CSF2RA: variants seen among roughly 807,000 people sequenced by gnomAD.
CSF2RA encodes colony stimulating factor 2 receptor subunit alpha.
A neutral mutation model predicts 51.6 loss-of-function variants in CSF2RA; 42 were observed. The observed-to-expected ratio is 0.81, with a 90% CI of 0.64 to 1.05. The LOEUF is 1.05. Ranked by LOEUF, CSF2RA falls within the 50% of genes least tolerant of loss-of-function variation. CSF2RA has a pLI of 0.00. For synonymous variants in CSF2RA, 222 were observed against 193.0 expected, an observed-to-expected ratio of 1.15 and a Z score of -1.24; for missense variants, 530 against 501.1, an observed-to-expected ratio of 1.06 and a Z score of -0.55.
the CSF2RA span, among the ~76,000 whole-genome samples, chrX:1,316,268 A>AGATAGAT: frequency 4.5e-5 from 3 of 66,892 alleles, no homozygotes; most frequent in Admixed American, 1.5e-4. Flanking sequence ...GATGATAGAT[A>AGATAGAT]GATAGATAGA....
chrX:1,299,293 C>T (rs1427423851), intron 9 of CSF2RA, among the ~76,000 whole-genome samples: 5 of 152,142 alleles, frequency 3.3e-5, no homozygotes, highest in African/African-American at 4.8e-5. Context: ...TACCAAGTCT[C>T]GCGGCCACTC....
chrX:1,305,308 AC>A (rs1225066736), intron 11 of CSF2RA, 137 bp from the exon 12 acceptor site: 7 of 985,204 alleles, frequency 7.1e-6, no homozygotes, highest in Non-Finnish European at 9.6e-6. Flanking sequence ...GATTTTCGTC[AC>A]TTGGTGATTC....
Position 1,288,887 on chromosome X carries a change from A to G in CSF2RA, c.472A>G (p.Lys158Glu). The stretch of plus-strand genomic sequence containing the variant: ...GTATTTTTTGTACATACGAAACTCA[A>G]AGTAAGTGTTCACCTCATGTGAAGA... ...VQYFLYIRNSKRRREIRCPYY... is the reference protein window; with the variant it reads ...VQYFLYIRNSERRREIRCPYY... Residue 158 changes from lysine to glutamate, a missense_variant and splice_region_variant, in exon 6 of 13, where the codon AAG becomes GAG. By Grantham distance (56) the Lys-to-Glu change is moderately conservative (BLOSUM62 1). Transcript: ENST00000381529. 1 of 1,588,868 alleles carries G rather than the reference A, an allele frequency of 6.3e-7. No individual in the cohort carries two copies. The highest frequency in any genetic ancestry group is 8.6e-7 in the Non-Finnish European group (1 of 1,165,924).
intron 11 of CSF2RA, among the ~76,000 whole-genome samples, chrX:1,304,646 T>G (rs1275431167): frequency 1.6e-5 from 1 of 63,958 alleles, no homozygotes; most frequent in African/African-American, 1.1e-4. Flanking sequence ...GGAGGTGGGT[T>G]TTTTTTTGTT....
chrX:1,301,331 C>CAAAAAAAAAAAAA (rs1156943650), intron 10 of CSF2RA, among the ~76,000 whole-genome samples: 4 of 62,684 alleles, frequency 6.4e-5, no homozygotes, highest in African/African-American at 1.2e-4. Context: ...GACTCTGTCT[C>CAAAAAAAAAAAAA]AAAAAAAAAA....
the CSF2RA span, among the ~76,000 whole-genome samples, chrX:1,320,449 C>T: frequency 0.14 from 21,085 of 150,892 alleles, 2,271 homozygotes; most frequent in East Asian, 0.58. Context: ...CTTTCTAGAT[C>T]TGTTGATTCT....
Position 1,305,476 on chromosome X carries a change from AG to A in CSF2RA, c.1075del (p.Val359PhefsTer8). On this transcript the variant is annotated frameshift_variant, in exon 12 of 13. Coordinates refer to ENST00000381529, the MANE Select transcript of CSF2RA (RefSeq NM_172245.4). LOFTEE classifies it high-confidence loss of function. ...TTAGGATACAGCGGCTGTTCCCGCCAGTTCCACAGATCAAAGACAAACTGAA... is the reference window on the plus strand; with the variant it reads ...TTAGGATACAGCGGCTGTTCCCGCCATTCCACAGATCAAAGACAAACTGAA... ...FLRIQRLFPP[V>X]PQIKDKLNDN... The A allele has an allele frequency of 4.3e-6, 7 of 1,613,958 alleles. No homozygotes were observed. The highest frequency in any genetic ancestry group is 5.9e-6 in the Non-Finnish European group (7 of 1,179,860).
At chrX:1,312,638 G>A (rs187340116), downstream of CSF2RA, among the ~76,000 whole-genome samples, 117 of 152,208 alleles carry the variant, frequency 7.7e-4, no homozygotes, top group Admixed American at 6.4e-3. Context: ...CACAGATACC[G>A]AAACATCAAC....
chrX:1,307,527 TGATTA>T (rs2083727122), intron 12 of CSF2RA, among the ~76,000 whole-genome samples: 1 of 152,066 alleles, frequency 6.6e-6, no homozygotes, highest in Non-Finnish European at 1.5e-5. Context: ...GACCTTTGAC[TGATTA>T]GATGAAGCCC....
Position 1,288,528 on chromosome X carries a change from A to G in CSF2RA, c.229A>G (p.Asn77Asp). Residue 77 changes from asparagine to aspartate, a missense_variant, in exon 5 of 13, where the codon AAC becomes GAC. Asn to Asp is a conservative substitution (Grantham distance 23, BLOSUM62 1). Coordinates refer to ENST00000381529, the MANE Select transcript of CSF2RA (RefSeq NM_172245.4). ...NRVVEPRLSN[N>D]ECSCTFREIC... ...GGTTGCAATTCTTCAGCTCAGTAAC[A>G]ACGAATGTTCGTGCACATTTCGTGA... 1 of 1,613,934 alleles carries G rather than the reference A, an allele frequency of 6.2e-7. No individual in the cohort carries two copies. The highest frequency in any genetic ancestry group is 8.5e-7 in the Non-Finnish European group (1 of 1,179,876).
At chrX:1,318,526 C>A in the CSF2RA span, among the ~76,000 whole-genome samples, 11 of 151,948 alleles carry the variant, frequency 7.2e-5, no homozygotes, top group Non-Finnish European at 4.4e-5. Context: ...ACCCCCAGGC[C>A]GTTGGACTTT....
chrX:1,303,189 C>G (rs1451389300), intron 10 of CSF2RA: 2 of 226,494 alleles, frequency 8.8e-6, no homozygotes, highest in Non-Finnish European at 1.7e-5. Context: ...TCCTGAGTAG[C>G]TGGGATTACA....
At chrX:1,294,528 C>T in intron 8 of CSF2RA, 67 bp downstream of exon 8, 1 of 1,603,260 alleles carries the variant, frequency 6.2e-7, no homozygotes, top group East Asian at 2.2e-5. Flanking sequence ...GCACAGGAGC[C>T]TGGGAATCCC....
At chrX:1,288,256 T>G (rs1460602317) in intron 4 of CSF2RA, among the ~76,000 whole-genome samples, 42 of 147,546 alleles carry the variant, frequency 2.8e-4, no homozygotes, top group Non-Finnish European at 5.7e-4. Flanking sequence ...CCGAGGCGGG[T>G]GGATCACCTG....
the CSF2RA span, among the ~76,000 whole-genome samples, chrX:1,318,805 T>C: frequency 6.7e-6 from 1 of 148,844 alleles, no homozygotes; most frequent in South Asian, 2.2e-4. Flanking sequence ...TAATCCCAGC[T>C]ACTCGGGAGG....
chrX:1,269,642 AAAAAGAGATG>A (rs773636549), intron 1 of CSF2RA, among the ~76,000 whole-genome samples: 72,201 of 142,190 alleles, frequency 0.51, 18,559 homozygotes, highest in Non-Finnish European at 0.58. Context: ...AAAAAGAAAA[AAAAAGAGATG>A]AAAAGAGATG....
At chrX:1,305,934 T>C in intron 12 of CSF2RA, 3 of 736,928 alleles carry the variant, frequency 4.1e-6, no homozygotes, top group Non-Finnish European at 4.4e-6. Context: ...TACAAAAAAT[T>C]AGCTGGGTGT....
downstream of CSF2RA, among the ~76,000 whole-genome samples, chrX:1,310,821 C>T (rs188970655): frequency 2.3e-4 from 35 of 152,106 alleles, no homozygotes; most frequent in Admixed American, 1.8e-3. Flanking sequence ...TTTGGTTCTC[C>T]GGGTTGGAGG....
At position 1,282,672 on chromosome X, in the gene CSF2RA, C is replaced by T. The variant is rs1307471133; in HGVS notation, c.-26-6C>T. ...TTCTCACTGTGTGATATTTTCTCTCCTGCAGCTCTTCCCTTCTCTCTGACC... is the reference window on the plus strand; with the variant it reads ...TTCTCACTGTGTGATATTTTCTCTCTTGCAGCTCTTCCCTTCTCTCTGACC... On this transcript the variant is annotated splice_region_variant and splice_polypyrimidine_tract_variant and intron_variant, in intron 2 of 12. Coordinates refer to ENST00000381529, the MANE Select transcript of CSF2RA (RefSeq NM_172245.4). 1.3e-6 allele frequency: 2 copies of T among 1,589,850 alleles called. No individual in the cohort carries two copies. Among genetic ancestry groups the T allele is most frequent in the East Asian group, 2.2e-5 (1 of 44,798 alleles).
Sources: allele counts gnomAD v4.1 joint callset (sites outside exome capture counted in the v4.1 genomes callset), GRCh38; gene constraint gnomAD v4.1.1; transcripts MANE v1.5; gene names NCBI Gene and HGNC (gene_info 2026-07-23, HGNC 2026-07-21).